The following SMURF2 variants were observed in gnomAD, a reference collection of about 807,000 sequenced individuals.
The protein encoded by SMURF2 is E3 ubiquitin-protein ligase SMURF2.
In SMURF2, 48 loss-of-function variants were observed where a neutral mutation model predicts 109.6. That is an observed-to-expected ratio of 0.44 (90% confidence interval 0.35 to 0.56). The LOEUF is 0.56. Ranked by LOEUF, SMURF2 falls within the 20% of genes least tolerant of loss-of-function variation. The probability of loss-of-function intolerance (pLI) is 0.01; values close to 1 mark genes in which losing one functional copy is unlikely to be tolerated. For synonymous variants in SMURF2, 288 were observed against 317.1 expected, an observed-to-expected ratio of 0.91 and a Z score of 0.97; for missense variants, 575 against 909.0, an observed-to-expected ratio of 0.63 and a Z score of 4.72.
chr17:64,574,638 G>GT (rs1476677442), intron 9 of SMURF2, among the ~76,000 whole-genome samples: 2 of 152,164 alleles, frequency 1.3e-5, no homozygotes, highest in Admixed American at 1.3e-4. Flanking sequence ...AACAAAAGAT[G>GT]TAAGTTTTTA....
chr17:64,633,343 G>C (rs1453819023), intron 1 of SMURF2, among the ~76,000 whole-genome samples: 1 of 152,160 alleles, frequency 6.6e-6, no homozygotes, highest in Non-Finnish European at 1.5e-5. Flanking sequence ...GAGTCAATCA[G>C]GGTCCCTCAA....
chr17:64,594,914 C>A (rs552264634), intron 3 of SMURF2, among the ~76,000 whole-genome samples: 5 of 151,948 alleles, frequency 3.3e-5, no homozygotes, highest in Non-Finnish European at 5.9e-5. Flanking sequence ...CACTTGAACC[C>A]GGGAGGCGGA....
At chr17:64,573,368 C>G (rs1358852077) in intron 9 of SMURF2, among the ~76,000 whole-genome samples, 13 of 151,260 alleles carry the variant, frequency 8.6e-5, no homozygotes, top group African/African-American at 3.2e-4. Flanking sequence ...TCATCAAAAC[C>G]ACATTTTAAA....
At chr17:64,591,336 T>A (rs185685761) in intron 4 of SMURF2, among the ~76,000 whole-genome samples, 187 bp from the exon 5 acceptor site, 11 of 152,322 alleles carry the variant, frequency 7.2e-5, no homozygotes, top group Non-Finnish European at 1.6e-4. Flanking sequence ...TCTCCAAAAC[T>A]TTTAGACCAC....
At chr17:64,617,973 A>T (rs912030075) in intron 1 of SMURF2, among the ~76,000 whole-genome samples, 1 of 152,330 alleles carries the variant, frequency 6.6e-6, no homozygotes, top group Admixed American at 6.5e-5. Flanking sequence ...TAATAGATCT[A>T]CTTTGACATA....
At chr17:64,590,290 T>G (rs1555687579) in intron 5 of SMURF2, among the ~76,000 whole-genome samples, 1 of 151,734 alleles carries the variant, frequency 6.6e-6, no homozygotes, top group East Asian at 1.9e-4. Context: ...TACAGGCACC[T>G]GCCACCATGC....
intron 1 of SMURF2, among the ~76,000 whole-genome samples, chr17:64,616,691 A>G (rs1555690148): frequency 6.6e-6 from 1 of 151,740 alleles, no homozygotes; most frequent in East Asian, 1.9e-4. Flanking sequence ...TGAGATTCCA[A>G]CTCAAGTAGA....
rs1349511562 is a variant in SMURF2 at position 64,581,981 on chromosome 17, C to T, written c.570-990G>A. On this transcript the variant is annotated intron_variant, in intron 7 of 18. Transcript: ENST00000262435. The surrounding 1 kb of genome is among the most constrained non-coding windows in gnomAD (Gnocchi z 4.3). ...ATCTCCAAAAAAAAAAAAAAATTAACATTTAAAACAACAATCATCCTTTTA... is the reference window on the plus strand; with the variant it reads ...ATCTCCAAAAAAAAAAAAAAATTAATATTTAAAACAACAATCATCCTTTTA... Among the ~76,000 whole-genome samples the T allele has an allele frequency of 6.0e-5, 9 of 150,990 alleles. No homozygotes were observed. The highest frequency in any genetic ancestry group is 1.3e-4 in the Non-Finnish European group (9 of 67,724).
intron 5 of SMURF2, among the ~76,000 whole-genome samples, chr17:64,587,136 AC>A (rs1555687184): frequency 1.3e-5 from 2 of 152,186 alleles, no homozygotes; most frequent in African/African-American, 4.8e-5. Flanking sequence ...TGATTGCACC[AC>A]TGCACTCTAG....
chr17:64,630,128 CA>C (rs1970318937), intron 1 of SMURF2, among the ~76,000 whole-genome samples: 1 of 151,812 alleles, frequency 6.6e-6, no homozygotes, highest in Non-Finnish European at 1.5e-5. Context: ...CCCAGCTACT[CA>C]GGAGGCTGAG....
At chr17:64,579,518 T>G (rs1208349878) in intron 8 of SMURF2, among the ~76,000 whole-genome samples, 3 of 152,146 alleles carry the variant, frequency 2.0e-5, no homozygotes, top group Non-Finnish European at 4.4e-5. Flanking sequence ...ATTTTTATGT[T>G]TTGGTTGTAC....
intron 1 of SMURF2, among the ~76,000 whole-genome samples, chr17:64,628,330 T>C (rs550087181): frequency 8.5e-5 from 13 of 152,334 alleles, no homozygotes; most frequent in Non-Finnish European, 1.0e-4. Context: ...CTGGAGGTCC[T>C]AGACTACTGG....
chr17:64,626,258 C>CAAA (rs782086305), intron 1 of SMURF2, among the ~76,000 whole-genome samples: 41 of 58,406 alleles, frequency 7.0e-4, no homozygotes, highest in Admixed American at 1.7e-3. Flanking sequence ...GACACGGTCT[C>CAAA]AAAAAAAAAA....
chr17:64,621,924 TAAAAAGCACTGTAGTGAGCCATCATCGC>T (rs1568198986), intron 1 of SMURF2, among the ~76,000 whole-genome samples: 8 of 141,738 alleles, frequency 5.6e-5, no homozygotes, highest in Admixed American at 1.4e-4. Context: ...ATAATAATAA[TAAAAAGCACTGTAGTGAGCCATCATCGC>T]AATAATAATA....
At chr17:64,659,589 T>G (rs1239848306) in intron 1 of SMURF2, among the ~76,000 whole-genome samples, 1 of 151,336 alleles carries the variant, frequency 6.6e-6, no homozygotes, top group Non-Finnish European at 1.5e-5. Flanking sequence ...CAAGATGGAC[T>G]GAGAAGTTGG....
chr17:64,661,998 G>A lies in SMURF2; in HGVS notation c.-118C>T, dbSNP rs1316334581. The A allele has an allele frequency of 3.6e-6, 4 of 1,106,458 alleles. No individual in the cohort carries two copies. The highest frequency in any genetic ancestry group is 4.4e-6 in the Non-Finnish European group (4 of 908,538). The allele number at this position is 1,106,458 out of a possible 1,614,324, so 68.5% of individuals were successfully genotyped here. A position where few individuals can be genotyped will look rare whatever the true frequency, so the allele number is the denominator to read the frequency against. On this transcript the variant is annotated 5_prime_UTR_variant, in exon 1 of 19. Coordinates refer to ENST00000262435, the MANE Select transcript of SMURF2 (RefSeq NM_022739.4). ...GAGCAGCCGGCGCCTCGGCCGCCACGGCCGGAGGGTCCCGGATGTGCCGAG... is the reference window on the plus strand; with the variant it reads ...GAGCAGCCGGCGCCTCGGCCGCCACAGCCGGAGGGTCCCGGATGTGCCGAG...
At chr17:64,641,789 G>A (rs190128918) in intron 1 of SMURF2, among the ~76,000 whole-genome samples, 1 of 152,126 alleles carries the variant, frequency 6.6e-6, no homozygotes, top group Non-Finnish European at 1.5e-5. Flanking sequence ...ACCCAATTAA[G>A]CCCCTTGCCA....
At chr17:64,656,145 T>A (rs928981049) in intron 1 of SMURF2, among the ~76,000 whole-genome samples, 11 of 152,188 alleles carry the variant, frequency 7.2e-5, no homozygotes, top group African/African-American at 2.7e-4. Flanking sequence ...ATCAAACTTC[T>A]TGGAGAATAA....
At chr17:64,552,329 A>C (rs1481428886) in intron 15 of SMURF2, among the ~76,000 whole-genome samples, 1 of 152,216 alleles carries the variant, frequency 6.6e-6, no homozygotes, top group Non-Finnish European at 1.5e-5. Context: ...ACGATTTATA[A>C]GTGAATTGTT....
Sources: allele counts gnomAD v4.1 joint callset (sites outside exome capture counted in the v4.1 genomes callset), GRCh38; gene constraint gnomAD v4.1.1; non-coding constraint Gnocchi (gnomAD v3.1); transcripts MANE v1.5; gene names NCBI Gene and HGNC (gene_info 2026-07-23, HGNC 2026-07-21).